Variants in SLC44A5 observed in about 807,000 individuals in gnomAD.
SLC44A5 encodes solute carrier family 44 member 5.
SLC44A5 carries 57 observed loss-of-function variants against 101.8 expected under a neutral mutation model. That is an observed-to-expected ratio of 0.56 (90% confidence interval 0.45 to 0.70). SLC44A5 has a LOEUF of 0.70. SLC44A5 is among the 30% of genes least tolerant of loss of function. The pLI, the probability that SLC44A5 is intolerant of heterozygous loss-of-function variation, is 0.00. For missense variants in SLC44A5, 737 were observed against 853.1 expected (o/e 0.86, Z 1.70); for synonymous variants, 281 against 290.9 (o/e 0.97, Z 0.35).
At chr1:75,503,423 C>CT (rs1390302960) in intron 2 of SLC44A5, among the ~76,000 whole-genome samples, 1 of 152,044 alleles carries the variant, frequency 6.6e-6, no homozygotes, top group Non-Finnish European at 1.5e-5. Context: ...GTGTGTAACA[C>CT]TTCCCCCTTT....
chr1:75,588,556 T>C (rs1053444130), intron 1 of SLC44A5, among the ~76,000 whole-genome samples: 1 of 152,252 alleles, frequency 6.6e-6, no homozygotes, highest in African/African-American at 2.4e-5. Context: ...GGTTAGGTTC[T>C]GGGAAAATGT....
At chr1:75,208,036 G>A (rs936421268) in intron 23 of SLC44A5, among the ~76,000 whole-genome samples, 3 of 152,126 alleles carry the variant, frequency 2.0e-5, no homozygotes, top group African/African-American at 7.2e-5. Flanking sequence ...CAAGATTAGT[G>A]TTGCTGGCAA....
the SLC44A5 span, among the ~76,000 whole-genome samples, chr1:75,703,837 T>C: frequency 1.3e-3 from 203 of 151,772 alleles, no homozygotes; most frequent in African/African-American, 4.7e-3. Flanking sequence ...AAAGCTATAG[T>C]GTAGTATTGT....
At chr1:75,356,704 A>G (rs1659106232) in intron 3 of SLC44A5, among the ~76,000 whole-genome samples, 1 of 152,248 alleles carries the variant, frequency 6.6e-6, no homozygotes, top group Admixed American at 6.5e-5. Context: ...TCACTGACTC[A>G]CTCAAAGCAA....
chr1:75,485,057 T>C (rs1668080738), intron 2 of SLC44A5, among the ~76,000 whole-genome samples: 2 of 151,836 alleles, frequency 1.3e-5, no homozygotes, highest in African/African-American at 4.8e-5. Context: ...TGAAATGCCC[T>C]GGAGACATTT....
intron 7 of SLC44A5, among the ~76,000 whole-genome samples, chr1:75,247,796 TTAA>T (rs1649238210): frequency 6.6e-6 from 1 of 151,626 alleles, no homozygotes; most frequent in South Asian, 2.1e-4. Context: ...AACCATTAGC[TTAA>T]TAATGTTGAG....
intron 1 of SLC44A5, among the ~76,000 whole-genome samples, chr1:75,559,953 T>G (rs1041655106): frequency 6.6e-6 from 1 of 152,114 alleles, no homozygotes; most frequent in African/African-American, 2.4e-5. Context: ...CATTAGTCAT[T>G]GGAGAAATGC....
At chr1:75,359,724 T>C (rs1659350195) in intron 3 of SLC44A5, among the ~76,000 whole-genome samples, 1 of 152,180 alleles carries the variant, frequency 6.6e-6, no homozygotes, top group Admixed American at 6.5e-5. Flanking sequence ...AATTCTATTT[T>C]TGGTTTTTTG....
the SLC44A5 span, among the ~76,000 whole-genome samples, chr1:75,637,939 G>A: frequency 6.6e-6 from 1 of 151,928 alleles, no homozygotes; most frequent in Non-Finnish European, 1.5e-5. Context: ...CAAAAGTATA[G>A]TGAATTTCTT....
chr1:75,321,588 C>A (rs1337378), intron 4 of SLC44A5, among the ~76,000 whole-genome samples: 2 of 152,164 alleles, frequency 1.3e-5, no homozygotes, highest in Non-Finnish European at 2.9e-5. Flanking sequence ...CACCATCACA[C>A]TGAGGATTGG....
chr1:75,293,197 C>T (rs538321336), intron 5 of SLC44A5, among the ~76,000 whole-genome samples: 1 of 152,312 alleles, frequency 6.6e-6, no homozygotes, highest in South Asian at 2.1e-4. Flanking sequence ...ATTATCTTTT[C>T]ACTCATATCG....
intron 14 of SLC44A5, among the ~76,000 whole-genome samples, chr1:75,220,490 T>G (rs1459720636): frequency 1.3e-5 from 2 of 152,142 alleles, no homozygotes; most frequent in African/African-American, 4.8e-5. Context: ...TTATTCTTTT[T>G]TCTTTGGAAA....
At chr1:75,385,351 C>T (rs4949847) in intron 3 of SLC44A5, among the ~76,000 whole-genome samples, 71,475 of 144,412 alleles carry the variant, frequency 0.49, 19,192 homozygotes, top group East Asian at 0.93. Context: ...ATCAAATAGA[C>T]ACAATAAAAA....
the SLC44A5 span, chr1:75,677,909 C>T: frequency 0.019 from 4,886 of 257,550 alleles, 255 homozygotes; most frequent in African/African-American, 0.11. Context: ...GTGCACGCAC[C>T]GTGCACGAGC....
At chr1:75,631,671 G>C in the SLC44A5 span, among the ~76,000 whole-genome samples, 1 of 151,078 alleles carries the variant, frequency 6.6e-6, no homozygotes, top group African/African-American at 2.4e-5. Context: ...CGAGTAGCTG[G>C]GATTACAGGC....
intron 6 of SLC44A5, among the ~76,000 whole-genome samples, chr1:75,264,028 T>C (rs575678712): frequency 6.6e-6 from 1 of 151,294 alleles, no homozygotes; most frequent in Non-Finnish European, 1.5e-5. Context: ...ATACCTAGTG[T>C]AGACGACAGG....
At position 75,215,872 on chromosome 1, in the gene SLC44A5, T is replaced by C. The variant is rs754717768; in HGVS notation, c.1625-15A>G. The C allele has an allele frequency of 6.6e-5, 76 of 1,159,356 alleles. No homozygotes were observed. The highest frequency in any genetic ancestry group is 9.3e-5 in the Non-Finnish European group (72 of 773,934). The allele number at this position is 1,159,356 out of a possible 1,614,324, so 71.8% of individuals were successfully genotyped here. On this transcript the variant is annotated splice_polypyrimidine_tract_variant and intron_variant, in intron 18 of 23. Transcript: ENST00000370859. ...GTTCTGGGTACCTATGAGAAGGAGATATTTAAATCTATTAATGATTTGCAG... is the reference window on the plus strand; with the variant it reads ...GTTCTGGGTACCTATGAGAAGGAGACATTTAAATCTATTAATGATTTGCAG...
At chr1:75,228,681 A>G (rs1445175903) in intron 12 of SLC44A5, among the ~76,000 whole-genome samples, 1 of 151,282 alleles carries the variant, frequency 6.6e-6, no homozygotes, top group Non-Finnish European at 1.5e-5. Flanking sequence ...TTGTTTACTT[A>G]TATTCCATTT....
chr1:75,477,721 G>A (rs981166191), intron 2 of SLC44A5, among the ~76,000 whole-genome samples: 11 of 152,102 alleles, frequency 7.2e-5, no homozygotes, highest in East Asian at 1.9e-4. Flanking sequence ...AAAAAGAAAC[G>A]AACAAAGCCT....
Sources: allele counts gnomAD v4.1 joint callset (sites outside exome capture counted in the v4.1 genomes callset), GRCh38; gene constraint gnomAD v4.1.1; transcripts MANE v1.5; gene names NCBI Gene and HGNC (gene_info 2026-07-23, HGNC 2026-07-21).